The following ZNF415 variants were observed in gnomAD, a reference collection of about 807,000 sequenced individuals.
The protein encoded by ZNF415 is zinc finger protein 415.
ZNF415 carries 5 observed loss-of-function variants against 7.3 expected under a neutral mutation model. That is an observed-to-expected ratio of 0.69 (90% CI 0.36 to 1.44). The LOEUF is 1.44. Ranked by LOEUF, ZNF415 falls within the 40% of genes most tolerant of loss-of-function variation. The pLI is 0.04. For synonymous variants in ZNF415, 207 were observed against 226.3 expected (o/e 0.91, Z 0.77); for missense variants, 628 against 664.8 (o/e 0.94, Z 0.61).
At position 53,122,600 on chromosome 19, in the gene ZNF415, C is replaced by A. The variant is rs2088296325; in HGVS notation, c.15+62G>T. On this transcript the variant is annotated intron_variant, in intron 2 of 3. Transcript: ENST00000243643. ...TCAGAGAAGATTTGCAGCTCCAAGG[C>A]ATTGTCTCCCACCTTTCTGAAAAGA... is the stretch of plus-strand genomic sequence containing the variant. The A allele has an allele frequency of 2.5e-6, 4 of 1,611,658 alleles. No homozygotes were observed. The African/African-American group carries it at 5.3e-5, about 22-fold the overall frequency.
chr19:53,125,808 C>T (rs551745977), intron 1 of ZNF415, among the ~76,000 whole-genome samples: 17 of 151,960 alleles, frequency 1.1e-4, no homozygotes, highest in Admixed American at 9.2e-4. Flanking sequence ...CATGGTGGCA[C>T]GCGCCTGTAG....
intron 1 of ZNF415, among the ~76,000 whole-genome samples, chr19:53,130,664 C>T (rs1287375438): frequency 6.6e-6 from 1 of 151,878 alleles, no homozygotes; most frequent in Non-Finnish European, 1.5e-5. Context: ...TTTGTTTGTT[C>T]TTTGTTTTTT....
chr19:53,121,175 C>T (rs1209987705), intron 2 of ZNF415, among the ~76,000 whole-genome samples: 3 of 149,224 alleles, frequency 2.0e-5, no homozygotes, highest in Non-Finnish European at 4.4e-5. Flanking sequence ...GCAGGCAGAT[C>T]ATATGGTCAG....
intron 2 of ZNF415, among the ~76,000 whole-genome samples, chr19:53,119,978 A>G (rs2087719284): frequency 7.7e-6 from 1 of 130,538 alleles, no homozygotes; most frequent in Non-Finnish European, 1.7e-5. Context: ...AGAAGAACTA[A>G]GACTGATTCT....
At chr19:53,129,934 C>G (rs942700972) in intron 1 of ZNF415, among the ~76,000 whole-genome samples, 1 of 151,900 alleles carries the variant, frequency 6.6e-6, no homozygotes, top group African/African-American at 2.4e-5. Flanking sequence ...GTGTGGTGGC[C>G]TGTGCCTGTA....
At position 53,113,761 on chromosome 19, in the gene ZNF415, T is replaced by G. The variant is rs184102990; in HGVS notation, c.136+2552A>C. Reference sequence around the variant, plus strand: ...TTAGTCAAGAGCCTCATACATATGATGCTGTGAACTTGAACAATGTCATCG... The same window carrying G: ...TTAGTCAAGAGCCTCATACATATGAGGCTGTGAACTTGAACAATGTCATCG... On this transcript the variant is annotated intron_variant, in intron 3 of 3. Coordinates refer to ENST00000243643, the MANE Select transcript of ZNF415 (RefSeq NM_018355.4). Among the ~76,000 whole-genome samples, 274 of 152,330 alleles carry G rather than the reference T, an allele frequency of 1.8e-3. 1 individual carries two copies. Among genetic ancestry groups the G allele is most frequent in the Middle Eastern group, 0.01 (3 of 294 alleles).
intron 3 of ZNF415, chr19:53,115,960 C>G (rs1309882297): frequency 1.5e-6 from 1 of 678,334 alleles, no homozygotes; most frequent in Non-Finnish European, 2.5e-6. Flanking sequence ...TCACTGAATG[C>G]CAACTCTGAA....
At chr19:53,130,372 T>A (rs770891070) in intron 1 of ZNF415, among the ~76,000 whole-genome samples, 1 of 152,110 alleles carries the variant, frequency 6.6e-6, no homozygotes, top group African/African-American at 2.4e-5. Context: ...CAGACCTCTA[T>A]CAAAACTGGA....
At chr19:53,130,935 T>C (rs1006626320) in intron 1 of ZNF415, among the ~76,000 whole-genome samples, 8 of 152,218 alleles carry the variant, frequency 5.3e-5, no homozygotes, top group East Asian at 1.9e-4. Flanking sequence ...TGAGCCACCA[T>C]GCCCAGCCTC....
At position 53,110,205 on chromosome 19, in the gene ZNF415, C is replaced by T. The variant is rs573038347; in HGVS notation, c.137-297G>A. Among the ~76,000 whole-genome samples, 7 of 152,170 alleles carry T rather than the reference C, an allele frequency of 4.6e-5. No individual in the cohort carries two copies. The East Asian group carries it at 1.4e-3, about 29-fold the overall frequency. On this transcript the variant is annotated intron_variant, in intron 3 of 3. Transcript: ENST00000243643. ...AAGGAGTATTTTTTCACCTTGACAGCAAAGTACACACCAATTGGCAGAAAA... is the reference window on the plus strand; with the variant it reads ...AAGGAGTATTTTTTCACCTTGACAGTAAAGTACACACCAATTGGCAGAAAA...
In ZNF415 at chr19:53,117,810, G is replaced by A. The variant is rs1209446161; in HGVS notation, c.16-1377C>T. 6.3e-4 allele frequency among the ~76,000 whole-genome samples: 96 copies of A among 152,168 alleles called. 1 individual carries two copies. The highest frequency in any genetic ancestry group is 1.5e-5 in the Non-Finnish European group (1 of 68,024). ...CAATACTATAAAACCCACTGTTAGAGCAAACATGCAAGTAAGGAAAGGAGT... is the reference window on the plus strand; with the variant it reads ...CAATACTATAAAACCCACTGTTAGAACAAACATGCAAGTAAGGAAAGGAGT... On this transcript the variant is annotated intron_variant, in intron 2 of 3. Transcript: ENST00000243643.
intron 2 of ZNF415, among the ~76,000 whole-genome samples, chr19:53,117,055 T>C (rs2087173101): frequency 6.6e-6 from 1 of 152,164 alleles, no homozygotes; most frequent in Middle Eastern, 3.2e-3. Flanking sequence ...TTTAGATATC[T>C]AGATACAGGA....
chr19:53,132,432 G>A (rs1293577437), intron 1 of ZNF415, among the ~76,000 whole-genome samples: 2 of 152,126 alleles, frequency 1.3e-5, no homozygotes, highest in African/African-American at 4.8e-5. Flanking sequence ...AGGGAGGTGG[G>A]GCGCGACAGC....
In ZNF415 at chr19:53,116,308, C is replaced by A; in HGVS notation, c.136+5G>T. The A allele has an allele frequency of 6.3e-7, 1 of 1,592,534 alleles. No individual in the cohort carries two copies. The highest frequency in any genetic ancestry group is 8.5e-7 in the Non-Finnish European group (1 of 1,174,178). ...TTTTGACTTCTGGAAGAAAATTATC[C>A]TCACCCAGGGAGACCAGGTTCCTGT... On this transcript the variant is annotated splice_donor_5th_base_variant and intron_variant, in intron 3 of 3. Coordinates refer to ENST00000243643, the MANE Select transcript of ZNF415 (RefSeq NM_018355.4).
intron 3 of ZNF415, among the ~76,000 whole-genome samples, chr19:53,110,881 G>A (rs1305727927): frequency 1.3e-5 from 2 of 152,158 alleles, no homozygotes; most frequent in Non-Finnish European, 2.9e-5. Context: ...AGTCAATAAC[G>A]CAATTCCCTA....
rs907348095 is a variant in ZNF415, at chr19:53,107,932, C to T, written c.*445G>A. 1.9e-5 allele frequency: 3 copies of T among 161,134 alleles called. No homozygotes were observed. Among genetic ancestry groups the T allele is most frequent in the African/African-American group, 7.2e-5 (3 of 41,640 alleles). 10.0% of individuals were successfully genotyped at this position (161,134 alleles called of 1,614,324 possible). A position where few individuals can be genotyped will look rare whatever the true frequency, so the allele number is the denominator to read the frequency against. ...ATATATCATGTTGTGTGAGTTTTAA[C>T]ATATTTGGGCTTGCATTTGTTCTAC... On this transcript the variant is annotated 3_prime_UTR_variant, in exon 4 of 4. Coordinates refer to ENST00000243643, the MANE Select transcript of ZNF415 (RefSeq NM_018355.4).
intron 1 of ZNF415, among the ~76,000 whole-genome samples, chr19:53,127,209 C>T (rs548948345): frequency 5.3e-5 from 8 of 151,436 alleles, no homozygotes; most frequent in African/African-American, 1.7e-4. Flanking sequence ...TGAAAGCCAT[C>T]TGCGCCTGAT....
intron 2 of ZNF415, 85 bp downstream of exon 2, chr19:53,122,577 A>G: frequency 1.9e-6 from 3 of 1,607,866 alleles, no homozygotes; most frequent in Non-Finnish European, 2.6e-6. Flanking sequence ...CTTCAGACTC[A>G]GAGAAGATTT....
intron 1 of ZNF415, among the ~76,000 whole-genome samples, chr19:53,132,530 T>C (rs921998426): frequency 2.6e-5 from 4 of 152,056 alleles, no homozygotes; most frequent in Non-Finnish European, 4.4e-5. Context: ...GCTGCGGCGC[T>C]GCGCTCCAGG....
Sources: gnomAD v4.1 joint callset for allele counts (sites outside exome capture counted in the v4.1 genomes callset) on GRCh38, gnomAD v4.1.1 for gene constraint, MANE v1.5 for transcripts, NCBI Gene and HGNC (gene_info 2026-07-23, HGNC 2026-07-21) for gene names.